ZC2HC1A: variants seen among roughly 807,000 people sequenced by gnomAD.
The protein encoded by ZC2HC1A is zinc finger C2HC-type containing 1A, also known as zinc finger C2HC domain-containing protein 1A.
A neutral mutation model predicts 40.7 loss-of-function variants in ZC2HC1A; 28 were observed. The ratio of observed to expected loss-of-function variants is 0.69; its 90% CI spans 0.51 to 0.94. ZC2HC1A has a LOEUF of 0.94. Among genes scored for constraint, ZC2HC1A ranks in the 40% least tolerant of loss-of-function variants. The pLI is 0.00. For missense variants in ZC2HC1A, 389 were observed against 386.3 expected, an observed-to-expected ratio of 1.01 and a Z score of -0.06; for synonymous variants, 129 against 129.2, an observed-to-expected ratio of 1.00 and a Z score of 0.01.
chr8:78,678,773 C>A, intron 3 of ZC2HC1A, 94 bp downstream of exon 3: 1 of 719,544 alleles, frequency 1.4e-6, no homozygotes, highest in Non-Finnish European at 2.2e-6. Flanking sequence ...AGAATAAACA[C>A]AATTATCTGC....
rs1331006360 is a variant in ZC2HC1A at position 78,699,704 on chromosome 8, G to A, written c.704+1191G>A. On this transcript the variant is annotated intron_variant, in intron 7 of 8. Coordinates refer to ENST00000263849, the MANE Select transcript of ZC2HC1A (RefSeq NM_016010.3). The stretch of plus-strand genomic sequence containing the variant: ...CTCATAATTTAGCTTCCACTTATAA[G>A]TGAGAACATGCAGTATTTGGTTTTC... Among the ~76,000 whole-genome samples, 2 of 152,122 alleles carry A rather than the reference G, an allele frequency of 1.3e-5. 1 individual carries two copies. Among genetic ancestry groups the A allele is most frequent in the Non-Finnish European group, 2.9e-5 (2 of 68,002 alleles).
intron 3 of ZC2HC1A, among the ~76,000 whole-genome samples, chr8:78,685,527 G>A (rs1268826553): frequency 3.3e-5 from 5 of 152,154 alleles, no homozygotes; most frequent in Non-Finnish European, 7.3e-5. Context: ...TTGTTGGTGG[G>A]AGGGAGGGAA....
intron 7 of ZC2HC1A, among the ~76,000 whole-genome samples, chr8:78,710,088 G>A (rs1034302897): frequency 5.9e-5 from 9 of 152,038 alleles, no homozygotes; most frequent in Admixed American, 1.3e-4. Flanking sequence ...GGTTGATATC[G>A]TCACCATACT....
At chr8:78,679,646 A>G (rs1196908624) in intron 3 of ZC2HC1A, among the ~76,000 whole-genome samples, 1 of 152,212 alleles carries the variant, frequency 6.6e-6, no homozygotes, top group Non-Finnish European at 1.5e-5. Flanking sequence ...GTTGAAAAGC[A>G]TCATTTCAGT....
intron 4 of ZC2HC1A, among the ~76,000 whole-genome samples, chr8:78,687,843 ATATATT>A (rs1440042558): frequency 6.5e-5 from 7 of 107,006 alleles, no homozygotes; most frequent in Non-Finnish European, 1.5e-4. Context: ...TAAATTATAT[ATATATT>A]TATATAATAT....
chr8:78,702,854 T>C (rs1332146741), intron 7 of ZC2HC1A, among the ~76,000 whole-genome samples: 2 of 152,202 alleles, frequency 1.3e-5, no homozygotes, highest in Admixed American at 6.5e-5. Context: ...TCTTTTGCTT[T>C]TACTGAGGAT....
intron 3 of ZC2HC1A, among the ~76,000 whole-genome samples, chr8:78,682,208 C>A (rs1809809996): frequency 6.6e-6 from 1 of 152,086 alleles, no homozygotes; most frequent in Non-Finnish European, 1.5e-5. Context: ...AGAGGCAGTT[C>A]CCATTAAAAT....
chr8:78,700,659 C>A (rs1056259626), intron 7 of ZC2HC1A, among the ~76,000 whole-genome samples: 4 of 152,064 alleles, frequency 2.6e-5, no homozygotes, highest in Non-Finnish European at 5.9e-5. Flanking sequence ...AGTCTTTAAT[C>A]CATCTTGTGT....
chr8:78,717,289 T>C (rs1481941719), intron 8 of ZC2HC1A, 39 bp from the exon 9 acceptor site: 1 of 1,583,270 alleles, frequency 6.3e-7, no homozygotes, highest in Admixed American at 1.8e-5. Context: ...AAACTACTGA[T>C]ACAAACTTTA....
intron 1 of ZC2HC1A, among the ~76,000 whole-genome samples, chr8:78,673,064 T>C (rs763576786): frequency 1.3e-5 from 2 of 152,032 alleles, no homozygotes; most frequent in Non-Finnish European, 1.5e-5. Flanking sequence ...CTCCCTCCTT[T>C]TGCCTCCCAC....
At chr8:78,671,592 G>T (rs1327261085) in intron 1 of ZC2HC1A, among the ~76,000 whole-genome samples, 1 of 152,028 alleles carries the variant, frequency 6.6e-6, no homozygotes, top group African/African-American at 2.4e-5. Context: ...TGTAATAATT[G>T]ATCCTCTGAA....
At chr8:78,692,621 C>T (rs1346190435) in intron 5 of ZC2HC1A, among the ~76,000 whole-genome samples, 1 of 152,022 alleles carries the variant, frequency 6.6e-6, no homozygotes, top group Non-Finnish European at 1.5e-5. Flanking sequence ...CCAGGGTGTA[C>T]AGTGTAGGTT....
intron 5 of ZC2HC1A, among the ~76,000 whole-genome samples, chr8:78,695,861 G>C (rs535364460): frequency 1.3e-5 from 2 of 152,032 alleles, no homozygotes; most frequent in East Asian, 1.9e-4. Context: ...TTGTGTGACC[G>C]TTTATCAAGA....
intron 5 of ZC2HC1A, among the ~76,000 whole-genome samples, chr8:78,696,260 TC>T (rs1810409971): frequency 6.6e-6 from 1 of 152,140 alleles, no homozygotes; most frequent in African/African-American, 2.4e-5. Flanking sequence ...GGTCTCGATC[TC>T]CTGACCTTGT....
chr8:78,672,516 G>C (rs964798750), intron 1 of ZC2HC1A, among the ~76,000 whole-genome samples: 32 of 152,122 alleles, frequency 2.1e-4, no homozygotes, highest in African/African-American at 7.5e-4. Flanking sequence ...GATCAACTCA[G>C]TATGTCACTT....
intron 5 of ZC2HC1A, among the ~76,000 whole-genome samples, chr8:78,692,372 C>T (rs1461033078): frequency 6.6e-6 from 1 of 152,090 alleles, no homozygotes; most frequent in Admixed American, 6.6e-5. Context: ...ATTTTTTAAT[C>T]CTTAACTACT....
intron 1 of ZC2HC1A, among the ~76,000 whole-genome samples, chr8:78,669,485 G>A (rs1809382977): frequency 6.6e-6 from 1 of 152,170 alleles, no homozygotes; most frequent in African/African-American, 2.4e-5. Flanking sequence ...GTAAAACATA[G>A]CATGCTTGGG....
At chr8:78,676,779 T>C (rs1275565940) in intron 2 of ZC2HC1A, among the ~76,000 whole-genome samples, 7 of 152,136 alleles carry the variant, frequency 4.6e-5, no homozygotes, top group Middle Eastern at 3.4e-3. Flanking sequence ...TCTTATCAAT[T>C]TATTATTTTT....
Position 78,686,571 on chromosome 8 carries a change from C to T in ZC2HC1A, c.315C>T (p.Gly105=). ...TTGATCAGGCCCTCAAAGAGGGTGG[C>T]AAACTTCCTCCTCCTCCTCCACCTT... is the stretch of plus-strand genomic sequence containing the variant. ...KGLDQALKEG[G]KLPPPPPPSY... is the part of the protein sequence containing the mutation. Residue 105 remains glycine (G), a synonymous_variant, in exon 4 of 9, where the codon GGC becomes GGT. Coordinates refer to ENST00000263849, the MANE Select transcript of ZC2HC1A (RefSeq NM_016010.3). 1 of 1,535,522 alleles carries T rather than the reference C, an allele frequency of 6.5e-7. No individual in the cohort carries two copies. Among genetic ancestry groups the T allele is most frequent in the East Asian group, 2.4e-5 (1 of 41,366 alleles).
Sources: allele counts gnomAD v4.1 joint callset (sites outside exome capture counted in the v4.1 genomes callset), GRCh38; gene constraint gnomAD v4.1.1; transcripts MANE v1.5; gene names NCBI Gene and HGNC (gene_info 2026-07-23, HGNC 2026-07-21).